The following STARD5 variants were observed in gnomAD, a reference collection of about 807,000 sequenced individuals.
STARD5 encodes the protein StAR related lipid transfer domain containing 5.
A neutral mutation model predicts 24.6 loss-of-function variants in STARD5; 26 were observed. The ratio of observed to expected loss-of-function variants is 1.06; its 90% CI spans 0.77 to 1.47. The LOEUF (loss-of-function observed/expected upper bound fraction) is 1.47. Among genes scored for constraint, STARD5 ranks in the 40% most tolerant of loss-of-function variants. The pLI is 0.00. For missense variants in STARD5, 254 were observed against 270.8 expected (o/e 0.94, Z 0.44); for synonymous variants, 101 against 99.7 (o/e 1.01, Z -0.07).
rs2141663631 is a variant in STARD5 at position 81,311,995 on chromosome 15, G to A, written c.*1261C>T. The A allele has an allele frequency of 6.6e-6, 1 of 152,322 alleles. No homozygotes were observed. Among genetic ancestry groups the A allele is most frequent in the South Asian group, 2.1e-4 (1 of 4,828 alleles). The allele number at this position is 152,322 out of a possible 1,614,324, so 9.4% of individuals were successfully genotyped here. Reference sequence around the variant, plus strand: ...AAATAGGGAAGTAACAGTAACGCAGGGGAAACGTTTTCTGTTTGGAGGAGC... The same window carrying A: ...AAATAGGGAAGTAACAGTAACGCAGAGGAAACGTTTTCTGTTTGGAGGAGC... On this transcript the variant is annotated 3_prime_UTR_variant, in exon 6 of 6. Transcript: ENST00000302824.
At chr15:81,318,274 C>T (rs1008766962) in intron 5 of STARD5, 135 bp downstream of exon 5, 5 of 696,920 alleles carry the variant, frequency 7.2e-6, no homozygotes, top group Non-Finnish European at 1.3e-5. Context: ...TATTTTGTAT[C>T]GTCACAATCT....
chr15:81,316,104 C>T (rs576389711), intron 5 of STARD5, among the ~76,000 whole-genome samples: 1 of 152,332 alleles, frequency 6.6e-6, no homozygotes, highest in African/African-American at 2.4e-5. Flanking sequence ...GCTCCCACTT[C>T]TGGGACTTTG....
chr15:81,320,383 A>T (rs1052244302), intron 3 of STARD5, among the ~76,000 whole-genome samples: 2 of 149,528 alleles, frequency 1.3e-5, no homozygotes, highest in Non-Finnish European at 3.0e-5. Context: ...AATGGGTGCA[A>T]TGAGAATAAA....
In STARD5 at chr15:81,322,522, A is replaced by G; in HGVS notation, c.168T>C (p.Ile56=). 4.3e-6 allele frequency: 7 copies of G among 1,614,076 alleles called. No homozygotes were observed. The South Asian group carries it at 7.7e-5, about 18-fold the overall frequency. The change falls in exon 3 of 6, where the codon ATT becomes ATC. Residue 56 remains isoleucine, a synonymous_variant. Transcript: ENST00000302824. ...ACACCTCCTCTAGTGTCCCATATAC[A>G]ATGCCTTCTCCTCGGTACCTGGAGC... The part of the protein sequence containing the change: ...FPGNLYRGEG[I]VYGTLEEVWD...
At position 81,322,831 on chromosome 15, in the gene STARD5, G is replaced by A. The variant is rs1893315897; in HGVS notation, c.149+68C>T. On this transcript the variant is annotated intron_variant, in intron 2 of 5. Coordinates refer to ENST00000302824, the MANE Select transcript of STARD5 (RefSeq NM_181900.3). ...AGGGTTGATTTGAATATTTTAGGAGGCAGGCCCATAAAGATACCAGGAAGG... is the reference window on the plus strand; with the variant it reads ...AGGGTTGATTTGAATATTTTAGGAGACAGGCCCATAAAGATACCAGGAAGG... 7.6e-6 allele frequency: 12 copies of A among 1,584,246 alleles called. No homozygotes were observed. In the South Asian group the frequency reaches 1.3e-4, roughly 18 times the overall value.
intron 4 of STARD5, 94 bp from the exon 5 acceptor site, chr15:81,318,596 G>A: frequency 8.8e-7 from 1 of 1,141,508 alleles, no homozygotes; most frequent in South Asian, 1.4e-5. Context: ...CAGACTACCT[G>A]CAGCCCTGGA....
chr15:81,323,002 C>T, intron 1 of STARD5, 54 bp from the exon 2 acceptor site: 1 of 1,600,312 alleles, frequency 6.2e-7, no homozygotes, highest in South Asian at 1.1e-5. Flanking sequence ...CTCTGGTCAC[C>T]TGGCTTAATC....
intron 5 of STARD5, chr15:81,313,904 A>G (rs1433579079): frequency 1.3e-5 from 2 of 152,180 alleles, no homozygotes; most frequent in African/African-American, 4.8e-5. Flanking sequence ...ATGATATGTG[A>G]TATTGCAACA....
chr15:81,319,543 G>A, intron 3 of STARD5, 87 bp from the exon 4 acceptor site: 1 of 1,169,676 alleles, frequency 8.5e-7, no homozygotes, highest in Non-Finnish European at 1.3e-6. Flanking sequence ...TCTGGGAAAG[G>A]TACTAGGGCT....
At position 81,324,117 on chromosome 15, in the gene STARD5, T is replaced by A. The variant is rs1362197389; in HGVS notation, c.-18A>T. 7.4e-7 allele frequency: 1 copy of A among 1,356,846 alleles called. No individual in the cohort carries two copies. Among genetic ancestry groups the A allele is most frequent in the African/African-American group, 1.5e-5 (1 of 66,878 alleles). 84.1% of individuals were successfully genotyped at this position (1,356,846 alleles called of 1,614,324 possible). ...GGGTCCATTGCGTCGGGAGCTGCGC[T>A]TAGCTGCGGGGTCGCGGGTGTTATG... On this transcript the variant is annotated 5_prime_UTR_variant, in exon 1 of 6. In the 5' UTR this introduces an upstream ATG that the reference lacks. Transcript: ENST00000302824.
rs4277306 is a variant in STARD5 at position 81,323,768 on chromosome 15, G to A, written c.99+233C>T. 14,550 of 718,348 alleles carry A rather than the reference G, an allele frequency of 0.02. 1,546 individuals carry two copies. In the African/African-American group the frequency reaches 0.23, roughly 11 times the overall value. 44.5% of individuals were successfully genotyped at this position (718,348 alleles called of 1,614,324 possible). On this transcript the variant is annotated intron_variant, in intron 1 of 5. Transcript: ENST00000302824. ...AGCATTCAACAGCCAGGTGACCTTG[G>A]GCAAGTCACTGAGTGAAAGGAACAG...
At chr15:81,316,830 G>A (rs545313815) in intron 5 of STARD5, among the ~76,000 whole-genome samples, 1 of 152,276 alleles carries the variant, frequency 6.6e-6, no homozygotes, top group South Asian at 2.1e-4. Context: ...GAGAGGAGTT[G>A]GAAGAGTCAA....
At chr15:81,322,591 C>T in intron 2 of STARD5, 51 bp from the exon 3 acceptor site, 1 of 1,612,742 alleles carries the variant, frequency 6.2e-7, no homozygotes, top group East Asian at 2.2e-5. Flanking sequence ...AACTTGTTAT[C>T]TTGAGATTGT....
At chr15:81,316,745 C>G (rs1901090581) in intron 5 of STARD5, among the ~76,000 whole-genome samples, 1 of 152,112 alleles carries the variant, frequency 6.6e-6, no homozygotes, top group Admixed American at 6.5e-5. Flanking sequence ...GATCCACAGC[C>G]TCATGAGAAT....
chr15:81,323,666 GT>G, intron 1 of STARD5: 2 of 1,112,818 alleles, frequency 1.8e-6, no homozygotes. Context: ...ATTTTGTTTT[GT>G]TTTTAAACAC....
chr15:81,315,299 GA>G (rs1286466449), intron 5 of STARD5, among the ~76,000 whole-genome samples: 1 of 152,182 alleles, frequency 6.6e-6, no homozygotes, highest in Non-Finnish European at 1.5e-5. Context: ...TCTGGGTGAG[GA>G]ATGGGCTTTG....
chr15:81,319,164 C>T (rs1010000312), intron 4 of STARD5, among the ~76,000 whole-genome samples, 175 bp downstream of exon 4: 7 of 151,876 alleles, frequency 4.6e-5, no homozygotes, highest in African/African-American at 1.5e-4. Flanking sequence ...GACTGTCTTG[C>T]GTCAGACCCC....
Position 81,313,317 on chromosome 15 carries a change from G to A in STARD5, c.581C>T (p.Pro194Leu). 6.3e-7 allele frequency: 1 copy of A among 1,578,914 alleles called. No individual in the cohort carries two copies. ...GGCATAAAACCGGGTCATGCTGCGG[G>A]GGAAGAAGGAGTCCACCACGTTCTG... ...LPQNVVDSFF[P>L]RSMTRFYANL... The change falls in exon 6 of 6, where the codon CCC becomes CTC. Residue 194 changes from proline (P) to leucine (L), a missense_variant. Physicochemically the swap from Pro to Leu is moderately conservative, Grantham distance 98 (BLOSUM62 -3). Transcript: ENST00000302824.
At chr15:81,315,328 G>T (rs914162897) in intron 5 of STARD5, among the ~76,000 whole-genome samples, 2 of 152,158 alleles carry the variant, frequency 1.3e-5, no homozygotes, top group Non-Finnish European at 2.9e-5. Flanking sequence ...CGGAACGTGT[G>T]AGAGGCCATG....
Sources: gnomAD v4.1 joint callset for allele counts (sites outside exome capture counted in the v4.1 genomes callset) on GRCh38, gnomAD v4.1.1 for gene constraint, MANE v1.5 for transcripts, NCBI Gene and HGNC (gene_info 2026-07-23, HGNC 2026-07-21) for gene names.